Variants in CDK14 observed in about 807,000 individuals in gnomAD.
CDK14 encodes cyclin dependent kinase 14.
A neutral mutation model predicts 60.7 loss-of-function variants in CDK14; 34 were observed. That is an observed-to-expected ratio of 0.56 (90% confidence interval 0.43 to 0.75). CDK14 has a LOEUF of 0.75. Ranked by LOEUF, CDK14 falls within the 30% of genes least tolerant of loss-of-function variation. CDK14 has a pLI of 0.00. For missense variants in CDK14, 482 were observed against 564.1 expected (o/e 0.85, Z 1.47); for synonymous variants, 197 against 203.7 (o/e 0.97, Z 0.28).
chr7:91,059,083 C>T (rs1251184928), intron 11 of CDK14, among the ~76,000 whole-genome samples: 1 of 152,116 alleles, frequency 6.6e-6, no homozygotes, highest in Admixed American at 6.5e-5. Context: ...AATTTCAGAG[C>T]CTGTTATTGG....
At chr7:90,705,455 T>C (rs150707599) in intron 2 of CDK14, among the ~76,000 whole-genome samples, 18 of 152,152 alleles carry the variant, frequency 1.2e-4, no homozygotes, top group African/African-American at 4.1e-4. Flanking sequence ...CCTATTTATG[T>C]GAAGATCAGT....
intron 2 of CDK14, among the ~76,000 whole-genome samples, chr7:90,679,982 G>GT (rs2116557401): frequency 6.6e-6 from 1 of 152,192 alleles, no homozygotes; most frequent in South Asian, 2.1e-4. Context: ...TGCTTTAGAT[G>GT]TAATTAAAAA....
intron 4 of CDK14, among the ~76,000 whole-genome samples, chr7:90,782,209 C>G (rs557664376): frequency 6.6e-6 from 1 of 152,170 alleles, no homozygotes; most frequent in Admixed American, 6.5e-5. Context: ...CATGATTTGG[C>G]TCTCTGTTTG....
chr7:91,163,935 C>T (rs1387321132), intron 14 of CDK14, among the ~76,000 whole-genome samples: 1 of 152,146 alleles, frequency 6.6e-6, no homozygotes, highest in Non-Finnish European at 1.5e-5. Flanking sequence ...GCTTTAGGGT[C>T]CAAGGCATGG....
chr7:90,659,983 T>G (rs781054462), intron 2 of CDK14, among the ~76,000 whole-genome samples: 1 of 152,054 alleles, frequency 6.6e-6, no homozygotes, highest in Non-Finnish European at 1.5e-5. Context: ...ACTCCACTAA[T>G]TAGAAAATTA....
intron 1 of CDK14, among the ~76,000 whole-genome samples, chr7:90,597,834 T>TA (rs1799228192): frequency 1.2e-3 from 1 of 814 alleles, no homozygotes; most frequent in Admixed American, 0.018. Flanking sequence ...TTTAGCCAAG[T>TA]TTTTTTTTTT....
At chr7:90,652,735 A>G (rs950546275) in intron 2 of CDK14, among the ~76,000 whole-genome samples, 3 of 152,220 alleles carry the variant, frequency 2.0e-5, no homozygotes, top group East Asian at 3.8e-4. Context: ...CAATTCTGAA[A>G]TAGTTACTCT....
chr7:91,202,879 T>C (rs1326745438), intron 14 of CDK14, among the ~76,000 whole-genome samples: 4 of 152,226 alleles, frequency 2.6e-5, no homozygotes, highest in East Asian at 3.9e-4. Flanking sequence ...ATTACTATTA[T>C]TACATATTAT....
intron 6 of CDK14, among the ~76,000 whole-genome samples, chr7:90,877,669 T>A (rs1288388364): frequency 6.6e-6 from 1 of 152,126 alleles, no homozygotes; most frequent in Non-Finnish European, 1.5e-5. Context: ...TGTTGAGTAT[T>A]CTAGCTAGAA....
intron 2 of CDK14, among the ~76,000 whole-genome samples, chr7:90,647,097 A>G (rs1217160366): frequency 2.0e-5 from 3 of 152,154 alleles, no homozygotes; most frequent in Non-Finnish European, 2.9e-5. Context: ...GAGGCTGAGC[A>G]TATTTTCTTT....
chr7:90,699,409 T>C (rs1008986263), intron 2 of CDK14, among the ~76,000 whole-genome samples: 3 of 152,226 alleles, frequency 2.0e-5, no homozygotes, highest in Admixed American at 2.0e-4. Flanking sequence ...AGTTTGTACA[T>C]CATTTAGCCC....
chr7:91,068,712 T>C (rs548205888), intron 11 of CDK14, among the ~76,000 whole-genome samples: 16 of 150,928 alleles, frequency 1.1e-4, no homozygotes, highest in African/African-American at 3.7e-4. Flanking sequence ...ATTGTCTCTC[T>C]CCTGGACAGT....
intron 12 of CDK14, among the ~76,000 whole-genome samples, chr7:91,081,117 G>A (rs930716475): frequency 1.3e-5 from 2 of 152,128 alleles, no homozygotes; most frequent in African/African-American, 2.4e-5. Flanking sequence ...CTACTTTCTG[G>A]TATTCCAGTA....
intron 2 of CDK14, among the ~76,000 whole-genome samples, chr7:90,674,485 A>T (rs937038406): frequency 1.3e-5 from 2 of 152,206 alleles, no homozygotes; most frequent in African/African-American, 4.8e-5. Context: ...ATTTCTGCAG[A>T]TGTAGATATG....
intron 10 of CDK14, among the ~76,000 whole-genome samples, chr7:91,031,518 A>T (rs1796757746): frequency 6.6e-6 from 1 of 152,162 alleles, no homozygotes; most frequent in Non-Finnish European, 1.5e-5. Flanking sequence ...AAAGTTACCT[A>T]AAAAAGAAAT....
At chr7:91,141,978 G>A (rs1448563429) in intron 14 of CDK14, among the ~76,000 whole-genome samples, 7 of 151,798 alleles carry the variant, frequency 4.6e-5, no homozygotes, top group East Asian at 1.9e-4. Context: ...GGCGTCCACC[G>A]TCACGCCCGG....
At position 90,911,409 on chromosome 7, in the gene CDK14, A is replaced by G. The variant is rs561351213; in HGVS notation, c.703-6192A>G. On this transcript the variant is annotated intron_variant, in intron 7 of 14. Transcript: ENST00000380050. ...TCAACCATGACAAAAGAGTAGCATA[A>G]TTATCTTTCTAAGACATTACTGCTG... Among the ~76,000 whole-genome samples, 7 of 152,306 alleles carry G rather than the reference A, an allele frequency of 4.6e-5. No homozygotes were observed. In the East Asian group the frequency reaches 1.4e-3, roughly 29 times the overall value.
intron 4 of CDK14, among the ~76,000 whole-genome samples, chr7:90,755,320 G>A (rs1310955449): frequency 1.3e-5 from 2 of 152,170 alleles, no homozygotes; most frequent in African/African-American, 4.8e-5. Context: ...GCAGCATCAT[G>A]GATGCAGCTG....
chr7:91,162,088 G>T (rs999223093), intron 14 of CDK14, among the ~76,000 whole-genome samples: 1 of 152,156 alleles, frequency 6.6e-6, no homozygotes, highest in Non-Finnish European at 1.5e-5. Context: ...AGAAAGAGAG[G>T]CACATAAAAG....
Sources: allele counts gnomAD v4.1 joint callset (sites outside exome capture counted in the v4.1 genomes callset), GRCh38; gene constraint gnomAD v4.1.1; transcripts MANE v1.5; gene names NCBI Gene and HGNC (gene_info 2026-07-23, HGNC 2026-07-21).